AFG2A: variants seen among roughly 807,000 people sequenced by gnomAD.
AFG2A encodes the protein AAA ATPase AFG2A.
the AFG2A span, among the ~76,000 whole-genome samples, chr4:122,994,698 T>C: frequency 2.0e-5 from 3 of 152,180 alleles, no homozygotes; most frequent in African/African-American, 7.2e-5. Flanking sequence ...CTCCATTTTC[T>C]TGTGAACGCA....
the AFG2A span, among the ~76,000 whole-genome samples, chr4:123,177,695 C>T: frequency 0.65 from 98,509 of 152,036 alleles, 32,779 homozygotes; most frequent in Non-Finnish European, 0.72. Flanking sequence ...GAAAACTTAA[C>T]TTTGATTTTT....
At chr4:123,206,911 T>G in the AFG2A span, among the ~76,000 whole-genome samples, 1 of 151,658 alleles carries the variant, frequency 6.6e-6, no homozygotes, top group Non-Finnish European at 1.5e-5. Flanking sequence ...GCTAGAGCTT[T>G]CTTTCTACTC....
the AFG2A span, chr4:122,923,353 A>G: frequency 6.2e-7 from 1 of 1,608,544 alleles, no homozygotes; most frequent in Non-Finnish European, 8.5e-7. Context: ...GCGCAACCTG[A>G]GGGGCGGGAG....
the AFG2A span, among the ~76,000 whole-genome samples, chr4:123,066,707 TTACTAAAATCAA>T: frequency 6.6e-6 from 1 of 152,194 alleles, no homozygotes; most frequent in African/African-American, 2.4e-5. Context: ...ATTTTGAAAG[TTACTAAAATCAA>T]TGGCATTTTT....
At chr4:123,010,680 A>C in the AFG2A span, among the ~76,000 whole-genome samples, 1 of 152,252 alleles carries the variant, frequency 6.6e-6, no homozygotes, top group Non-Finnish European at 1.5e-5. Context: ...AAAATGGTAC[A>C]ATTAGGTAAT....
chr4:123,251,640 G>A, the AFG2A span, among the ~76,000 whole-genome samples: 1 of 151,878 alleles, frequency 6.6e-6, no homozygotes, highest in Non-Finnish European at 1.5e-5. Context: ...AAATATTAAT[G>A]TTATTTGTCT....
chr4:122,983,258 T>C, the AFG2A span, among the ~76,000 whole-genome samples: 293 of 152,320 alleles, frequency 1.9e-3, no homozygotes, highest in African/African-American at 6.7e-3. Context: ...TTGATCTTTT[T>C]ATATTCTTAC....
the AFG2A span, among the ~76,000 whole-genome samples, chr4:123,187,816 C>G: frequency 1.3e-5 from 2 of 151,792 alleles, no homozygotes; most frequent in African/African-American, 2.4e-5. Flanking sequence ...GGCAACATGG[C>G]AAAACCCCAT....
At chr4:123,294,753 T>G in the AFG2A span, among the ~76,000 whole-genome samples, 2 of 152,308 alleles carry the variant, frequency 1.3e-5, no homozygotes, top group Non-Finnish European at 2.9e-5. Flanking sequence ...CACAGTTATT[T>G]GCATAGGAGT....
the AFG2A span, among the ~76,000 whole-genome samples, chr4:123,074,253 C>A: frequency 1.3e-5 from 2 of 151,852 alleles, no homozygotes; most frequent in Admixed American, 1.3e-4. Flanking sequence ...CGCCACCATG[C>A]CTGGCTAATT....
the AFG2A span, among the ~76,000 whole-genome samples, chr4:123,078,653 A>G: frequency 6.6e-6 from 1 of 152,172 alleles, no homozygotes; most frequent in Non-Finnish European, 1.5e-5. Flanking sequence ...CATGTCAGGT[A>G]ATGTTCAGCA....
the AFG2A span, among the ~76,000 whole-genome samples, chr4:122,957,487 G>A: frequency 6.6e-6 from 1 of 152,194 alleles, no homozygotes; most frequent in Non-Finnish European, 1.5e-5. Flanking sequence ...ATAGGCATAA[G>A]TGTATCCCAC....
At chr4:123,051,066 A>G in the AFG2A span, among the ~76,000 whole-genome samples, 1 of 151,910 alleles carries the variant, frequency 6.6e-6, no homozygotes, top group Non-Finnish European at 1.5e-5. Context: ...TTTTTTAACT[A>G]GAGAATTTAG....
chr4:123,055,485 G>A, the AFG2A span, among the ~76,000 whole-genome samples: 7 of 152,086 alleles, frequency 4.6e-5, no homozygotes, highest in East Asian at 1.9e-4. Flanking sequence ...GCCAAATACT[G>A]CCCATACCAG....
chr4:123,174,413 A>G, the AFG2A span, among the ~76,000 whole-genome samples: 1 of 152,204 alleles, frequency 6.6e-6, no homozygotes, highest in Admixed American at 6.5e-5. Flanking sequence ...TCCAATTCCA[A>G]TTAAAATTAT....
chr4:122,934,226 C>G, the AFG2A span: 14 of 1,614,218 alleles, frequency 8.7e-6, no homozygotes, highest in Non-Finnish European at 1.2e-5. Context: ...GACTCTGACA[C>G]TGATGCCCAA....
the AFG2A span, among the ~76,000 whole-genome samples, chr4:123,313,209 A>C: frequency 6.6e-6 from 1 of 151,922 alleles, no homozygotes; most frequent in South Asian, 2.1e-4. Context: ...CTCCCTCTGC[A>C]TCCATTCCGC....
the AFG2A span, among the ~76,000 whole-genome samples, chr4:123,085,752 T>C: frequency 1.3e-5 from 2 of 151,810 alleles, no homozygotes; most frequent in African/African-American, 4.8e-5. Flanking sequence ...CTGTTTTCTA[T>C]TAGTCGCCTT....
the AFG2A span, among the ~76,000 whole-genome samples, chr4:123,300,506 C>T: frequency 8.5e-5 from 13 of 152,110 alleles, no homozygotes; most frequent in Non-Finnish European, 1.9e-4. Flanking sequence ...TCACTCCTTA[C>T]AAGACAACAG....
Sources: allele counts gnomAD v4.1 joint callset (sites outside exome capture counted in the v4.1 genomes callset), GRCh38; gene constraint gnomAD v4.1.1; transcripts MANE v1.5; gene names NCBI Gene and HGNC (gene_info 2026-07-23, HGNC 2026-07-21).